FADS2: variants seen among roughly 807,000 people sequenced by gnomAD.
FADS2 encodes acyl-CoA 6-desaturase.
Under a neutral mutation model 61.2 loss-of-function variants are expected in FADS2, and 18 were observed. The observed-to-expected ratio is 0.29, with a 90% confidence interval of 0.20 to 0.44. The LOEUF (loss-of-function observed/expected upper bound fraction) is 0.44. Among genes scored for constraint, FADS2 ranks in the 20% least tolerant of loss-of-function variants. The pLI, the probability that FADS2 is intolerant of heterozygous loss-of-function variation, is 1.00. For synonymous variants in FADS2, 203 were observed against 223.9 expected (o/e 0.91, Z 0.83); for missense variants, 322 against 572.7 (o/e 0.56, Z 4.47).
In FADS2 at chr11:61,816,857, G is replaced by C; in HGVS notation, c.141+431G>C. The C allele has an allele frequency of 6.7e-7, 1 of 1,482,434 alleles. No homozygotes were observed. Among genetic ancestry groups the C allele is most frequent in the Admixed American group, 2.4e-5 (1 of 41,392 alleles). 91.8% of individuals were successfully genotyped at this position (1,482,434 alleles called of 1,614,324 possible). A position where few individuals can be genotyped will look rare whatever the true frequency, so the allele number is the denominator to read the frequency against. ...GAGTGGATTTGCTGGCGCGCGCCCAGAGCCAGCCGCCTGCGCGCCGGGTTT... is the reference window on the plus strand; with the variant it reads ...GAGTGGATTTGCTGGCGCGCGCCCACAGCCAGCCGCCTGCGCGCCGGGTTT... On this transcript the variant is annotated intron_variant, in intron 1 of 11. Coordinates refer to the FADS2 transcript ENST00000257261. This position sits in a 1 kb window ranked among gnomAD's most constrained non-coding sequence, Gnocchi z 7.0.
At chr11:61,848,375 C>A (rs966176905) in intron 5 of FADS2, 91 bp downstream of exon 5, 5 of 1,583,996 alleles carry the variant, frequency 3.2e-6, no homozygotes, top group Non-Finnish European at 4.3e-6. Context: ...TGGTGTTGAC[C>A]TAGGAAGTGT....
intron 4 of FADS2, among the ~76,000 whole-genome samples, chr11:61,841,562 C>T (rs1366295757): frequency 6.7e-6 from 1 of 149,184 alleles, no homozygotes; most frequent in East Asian, 2.0e-4. Flanking sequence ...GAAAAAGAAA[C>T]ACATTGTGCT....
At chr11:61,844,107 G>T (rs2067237160) in intron 4 of FADS2, among the ~76,000 whole-genome samples, 1 of 152,104 alleles carries the variant, frequency 6.6e-6, no homozygotes, top group Non-Finnish European at 1.5e-5. Context: ...ATTTTTTAAT[G>T]GTTGATTTTT....
intron 1 of FADS2, among the ~76,000 whole-genome samples, chr11:61,819,247 T>C (rs1270083601): frequency 6.6e-6 from 1 of 152,322 alleles, no homozygotes; most frequent in South Asian, 2.1e-4. Context: ...AATAATTCCA[T>C]GTTTAGGAAT....
chr11:61,835,594 C>T (rs983249059), intron 1 of FADS2, among the ~76,000 whole-genome samples: 1 of 147,886 alleles, frequency 6.8e-6, no homozygotes, highest in Non-Finnish European at 1.5e-5. Flanking sequence ...TTAGTAGAGA[C>T]GGGGTTTCAC....
chr11:61,865,010 A>G lies in FADS2; in HGVS notation c.1158-142A>G, dbSNP rs910931428. The G allele has an allele frequency of 4.1e-6, 4 of 985,394 alleles. No individual in the cohort carries two copies. The highest frequency in any genetic ancestry group is 2.2e-5 in the Admixed American group (1 of 44,538). The allele number at this position is 985,394 out of a possible 1,614,324, so 61.0% of individuals were successfully genotyped here. Reference sequence around the variant, plus strand: ...CGTGGCACCCCACTGGGCACACACGAGGAGCCACACTTTGAGACTGGTCCT... The same window carrying G: ...CGTGGCACCCCACTGGGCACACACGGGGAGCCACACTTTGAGACTGGTCCT... On this transcript the variant is annotated intron_variant, in intron 10 of 11. Transcript: ENST00000278840. The surrounding 1 kb of genome is among the most constrained non-coding windows in gnomAD (Gnocchi z 4.1).
intron 1 of FADS2, among the ~76,000 whole-genome samples, chr11:61,832,183 T>C (rs1280345007): frequency 6.6e-6 from 1 of 152,172 alleles, no homozygotes; most frequent in African/African-American, 2.4e-5. Context: ...GGTGACCTCT[T>C]AGAATCAAGG....
chr11:61,859,301 C>T (rs1047932951), intron 7 of FADS2, among the ~76,000 whole-genome samples: 1 of 152,150 alleles, frequency 6.6e-6, no homozygotes, highest in Non-Finnish European at 1.5e-5. Context: ...AGGTGATCTG[C>T]CCACCTCAGC....
chr11:61,826,486 A>G, upstream of FADS2: 1 of 628,706 alleles, frequency 1.6e-6, no homozygotes. Flanking sequence ...ACAAATGTTC[A>G]TTAAAGTTAT....
upstream of FADS2, among the ~76,000 whole-genome samples, chr11:61,823,443 T>C (rs1296663090): frequency 6.6e-6 from 1 of 152,234 alleles, no homozygotes; most frequent in Admixed American, 6.5e-5. Context: ...GCACTAGCAA[T>C]CTGTGCTTTA....
Position 61,816,404 on chromosome 11 carries a change from GA to G in FADS2, c.120del (p.His41ThrfsTer24). On this transcript the variant is annotated frameshift_variant, in exon 1 of 12. Coordinates refer to the FADS2 transcript ENST00000257261. LOFTEE classifies it high-confidence loss of function. The surrounding 1 kb of genome is among the most constrained non-coding windows in gnomAD (Gnocchi z 7.0). ...CCGCCTTTTCATCCCGCATCCGCAG[GA>G]CACCCAATCACCGGGCAACAGGTAT... The G allele has an allele frequency of 6.3e-7, 1 of 1,598,540 alleles. No individual in the cohort carries two copies. Among genetic ancestry groups the G allele is most frequent in the Non-Finnish European group, 8.5e-7 (1 of 1,179,798 alleles).
At chr11:61,863,857 G>A in intron 10 of FADS2, 71 bp downstream of exon 10, 2 of 1,211,826 alleles carry the variant, frequency 1.7e-6, no homozygotes, top group Non-Finnish European at 2.5e-6. Context: ...CCACTGGGCA[G>A]AATGCAGAAT....
At chr11:61,828,233 G>C, upstream of FADS2, 1 of 1,436,462 alleles carries the variant, frequency 7.0e-7, no homozygotes, top group Non-Finnish European at 9.1e-7. The surrounding 1 kb of genome is among the most constrained non-coding windows in gnomAD (Gnocchi z 6.4). Flanking sequence ...AGGCGAGAAG[G>C]CTGGGGGAGG....
chr11:61,828,184 G>A (rs1214527997), upstream of FADS2: 5 of 1,417,004 alleles, frequency 3.5e-6, no homozygotes, highest in Non-Finnish European at 9.2e-7. The surrounding 1 kb of genome is among the most constrained non-coding windows in gnomAD (Gnocchi z 6.4). Context: ...TGGGAAGCCA[G>A]GGATCCTCCG....
At chr11:61,842,177 G>C (rs966401635) in intron 4 of FADS2, among the ~76,000 whole-genome samples, 1 of 152,152 alleles carries the variant, frequency 6.6e-6, no homozygotes, top group African/African-American at 2.4e-5. Flanking sequence ...GACCGCAACG[G>C]GGCCCTTGGC....
intron 6 of FADS2, 107 bp from the exon 7 acceptor site, chr11:61,857,347 G>A (rs999230333): frequency 3.0e-5 from 32 of 1,058,070 alleles, no homozygotes; most frequent in South Asian, 6.3e-5. Context: ...TTCTGCCCAC[G>A]TCTGCAGGGC....
chr11:61,856,889 G>A, intron 5 of FADS2, 122 bp from the exon 6 acceptor site: 1 of 835,126 alleles, frequency 1.2e-6, no homozygotes, highest in Non-Finnish European at 2.0e-6. Flanking sequence ...CAGATTGACA[G>A]GAAAGGGACA....
chr11:61,859,729 G>C (rs1407605732), intron 7 of FADS2, among the ~76,000 whole-genome samples: 1 of 124,784 alleles, frequency 8.0e-6, no homozygotes. Flanking sequence ...ACTCATGCTT[G>C]TTATCCCAGC....
intron 10 of FADS2, among the ~76,000 whole-genome samples, chr11:61,864,788 G>A (rs768247401): frequency 2.1e-4 from 31 of 151,120 alleles, no homozygotes; most frequent in Non-Finnish European, 3.5e-4. Context: ...TGCCTGCCTC[G>A]GCCTCCCAAA....
Sources: allele counts gnomAD v4.1 joint callset (sites outside exome capture counted in the v4.1 genomes callset), GRCh38; gene constraint gnomAD v4.1.1; non-coding constraint Gnocchi (gnomAD v3.1); transcripts MANE v1.5; gene names NCBI Gene and HGNC (gene_info 2026-07-23, HGNC 2026-07-21).